Variants in COPS4 observed in about 807,000 individuals in gnomAD.
COPS4 encodes COP9 signalosome complex subunit 4.
A neutral mutation model predicts 55.1 loss-of-function variants in COPS4; 8 were observed. The observed-to-expected ratio is 0.15, with a 90% CI of 0.09 to 0.26. The LOEUF is 0.26. COPS4 is among the 10% of genes least tolerant of loss of function. The probability of loss-of-function intolerance (pLI) is 1.00; values close to 1 mark genes in which losing one functional copy is unlikely to be tolerated. For synonymous variants in COPS4, 185 were observed against 165.7 expected (o/e 1.12, Z -0.90); for missense variants, 248 against 484.0 (o/e 0.51, Z 4.58).
chr4:83,056,817 C>A, intron 4 of COPS4, 109 bp from the exon 5 acceptor site: 1 of 934,918 alleles, frequency 1.1e-6, no homozygotes, highest in African/African-American at 1.7e-5. Context: ...AGTTTGATTC[C>A]CTTACGGTAC....
intron 9 of COPS4, chr4:83,073,499 CT>C (rs1464717617): frequency 2.5e-6 from 1 of 401,460 alleles, no homozygotes; most frequent in African/African-American, 2.1e-5. Flanking sequence ...TAATTTTGGC[CT>C]GGTTAGAAAG....
chr4:83,074,190 C>T (rs1731508045), intron 9 of COPS4, among the ~76,000 whole-genome samples: 1 of 151,956 alleles, frequency 6.6e-6, no homozygotes, highest in Non-Finnish European at 1.5e-5. Flanking sequence ...ACTTGCTTTC[C>T]CCAGTAGGTG....
chr4:83,066,306 C>A (rs1578720119), intron 7 of COPS4, 132 bp from the exon 8 acceptor site: 17 of 483,620 alleles, frequency 3.5e-5, no homozygotes, highest in African/African-American at 2.0e-5. Flanking sequence ...ATATTGGCTA[C>A]TTTTAAAATT....
Position 83,049,428 on chromosome 4 carries a change from AAC to A in COPS4, c.306+113_306+114del, listed in dbSNP as rs878969057. On this transcript the variant is annotated intron_variant, in intron 3 of 9. Coordinates refer to ENST00000264389, the MANE Select transcript of COPS4 (RefSeq NM_016129.3). ...AATCATCCAATTTCATTTTTGACAA[AAC>A]AGTGTGCCAAACGACATTTTATGAT... is the stretch of plus-strand genomic sequence containing the variant. 1.2e-5 allele frequency: 12 copies of A among 983,980 alleles called. No individual in the cohort carries two copies. The South Asian group carries it at 1.8e-4, about 14-fold the overall frequency. The allele number at this position is 983,980 out of a possible 1,614,324, so 61.0% of individuals were successfully genotyped here. A position where few individuals can be genotyped will look rare whatever the true frequency, so the allele number is the denominator to read the frequency against.
intron 4 of COPS4, among the ~76,000 whole-genome samples, chr4:83,055,395 T>C (rs757198010): frequency 6.6e-6 from 1 of 152,216 alleles, no homozygotes; most frequent in Non-Finnish European, 1.5e-5. Context: ...ATCCAGTTTT[T>C]TCATTTAGGA....
rs537480804 is a variant in COPS4, at chr4:83,047,549, C to CA, written c.155-1610dup. Among the ~76,000 whole-genome samples the CA allele has an allele frequency of 9.5e-4, 144 of 151,144 alleles. 1 individual carries two copies. Among genetic ancestry groups the CA allele is most frequent in the East Asian group, 7.1e-3 (36 of 5,084 alleles). On this transcript the variant is annotated intron_variant, in intron 2 of 9. Coordinates refer to ENST00000264389, the MANE Select transcript of COPS4 (RefSeq NM_016129.3). ...AGCCTGGGCAGCAGTAAGATTGTCT[C>CA]AAAAAAACAATTAAAAAACATATAT... is the stretch of plus-strand genomic sequence containing the variant.
intron 6 of COPS4, among the ~76,000 whole-genome samples, chr4:83,059,690 T>G: frequency 7.0e-6 from 1 of 143,520 alleles, no homozygotes; most frequent in Non-Finnish European, 1.5e-5. Flanking sequence ...CTTCTTTTTG[T>G]TTTTTTTTTT....
chr4:83,042,623 A>G (rs1010136201), intron 1 of COPS4, among the ~76,000 whole-genome samples: 8 of 150,654 alleles, frequency 5.3e-5, no homozygotes, highest in Non-Finnish European at 1.0e-4. Context: ...TATTTTTGAG[A>G]TGAGATATCA....
At chr4:83,054,342 A>AAAAACAAAACAAAAC (rs553121493) in intron 4 of COPS4, among the ~76,000 whole-genome samples, 7 of 152,022 alleles carry the variant, frequency 4.6e-5, no homozygotes, top group African/African-American at 1.7e-4. Flanking sequence ...ACTCCATCTC[A>AAAAACAAAACAAAAC]AAAACAAAAC....
intron 9 of COPS4, 94 bp downstream of exon 9, chr4:83,068,616 A>G: frequency 1.3e-6 from 1 of 756,694 alleles, no homozygotes. Flanking sequence ...TTGACTCAGA[A>G]TCTTACTACT....
At chr4:83,074,397 G>GA (rs1214508713) in intron 9 of COPS4, among the ~76,000 whole-genome samples, 8 of 149,846 alleles carry the variant, frequency 5.3e-5, no homozygotes, top group Non-Finnish European at 1.5e-5. Context: ...TTTAAAAAAA[G>GA]AAAAAACACT....
rs1578719505 is a variant in COPS4, at chr4:83,065,232, A to C, written c.887-1206A>C. ...TATAAAATTACTGGATTGGATATTTAATTTAGGTAGTTGGCTGTGTAAGTC... is the reference window on the plus strand; with the variant it reads ...TATAAAATTACTGGATTGGATATTTCATTTAGGTAGTTGGCTGTGTAAGTC... On this transcript the variant is annotated intron_variant, in intron 7 of 9. Coordinates refer to ENST00000264389, the MANE Select transcript of COPS4 (RefSeq NM_016129.3). 2.8e-5 allele frequency: 7 copies of C among 249,210 alleles called. No individual in the cohort carries two copies. The South Asian group carries it at 7.0e-4, about 25-fold the overall frequency. The allele number at this position is 249,210 out of a possible 1,614,324, so 15.4% of individuals were successfully genotyped here.
At chr4:83,057,109 T>C (rs568437195) in intron 5 of COPS4, 30 bp downstream of exon 5, 22 of 1,591,642 alleles carry the variant, frequency 1.4e-5, no homozygotes, top group Middle Eastern at 1.7e-4. Flanking sequence ...GGAATTACTT[T>C]TGTATTGGAG....
chr4:83,075,178 A>G (rs565468726), intron 9 of COPS4, 119 bp from the exon 10 acceptor site: 2 of 796,000 alleles, frequency 2.5e-6, no homozygotes, highest in Admixed American at 3.0e-5. Flanking sequence ...TTTTTTAGGT[A>G]TTTAAAAGGA....
At chr4:83,065,779 A>G (rs1225606123) in intron 7 of COPS4, among the ~76,000 whole-genome samples, 2 of 152,252 alleles carry the variant, frequency 1.3e-5, no homozygotes, top group Admixed American at 6.5e-5. Flanking sequence ...CCAAAAGAAT[A>G]GAGATCACTT....
At chr4:83,065,144 G>A (rs1331851992) in intron 7 of COPS4, 1 of 629,462 alleles carries the variant, frequency 1.6e-6, no homozygotes, top group Non-Finnish European at 2.9e-6. Context: ...CCAAAGTGCT[G>A]GGATGATAGG....
At chr4:83,064,670 C>G (rs1731250789) in intron 7 of COPS4, among the ~76,000 whole-genome samples, 1 of 151,980 alleles carries the variant, frequency 6.6e-6, no homozygotes, top group Non-Finnish European at 1.5e-5. Flanking sequence ...TCATGGCCCA[C>G]TGCAGCCTGG....
chr4:83,055,352 A>C (rs7439459), intron 4 of COPS4, among the ~76,000 whole-genome samples: 6 of 152,188 alleles, frequency 3.9e-5, no homozygotes, highest in Non-Finnish European at 7.3e-5. Context: ...TGTGTATAGA[A>C]ATATATTTTA....
chr4:83,057,197 T>C, intron 5 of COPS4, 61 bp from the exon 6 acceptor site: 1 of 1,534,430 alleles, frequency 6.5e-7, no homozygotes, highest in East Asian at 2.3e-5. Context: ...TGTTTTGTTT[T>C]GTTTTGTTTA....
Sources: allele counts gnomAD v4.1 joint callset (sites outside exome capture counted in the v4.1 genomes callset), GRCh38; gene constraint gnomAD v4.1.1; transcripts MANE v1.5; gene names NCBI Gene and HGNC (gene_info 2026-07-23, HGNC 2026-07-21).